The following GTF2H1 variants were observed in gnomAD, a reference collection of about 807,000 sequenced individuals.
The protein encoded by GTF2H1 is BTF2 p62.
GTF2H1 carries 16 observed loss-of-function variants against 71.2 expected under a neutral mutation model. The ratio of observed to expected loss-of-function variants is 0.22; its 90% confidence interval spans 0.15 to 0.34. GTF2H1 has a LOEUF of 0.34. Among genes scored for constraint, GTF2H1 ranks in the 10% least tolerant of loss-of-function variants. GTF2H1 has a pLI of 1.00. For synonymous variants in GTF2H1, 215 were observed against 219.0 expected (o/e 0.98, Z 0.16); for missense variants, 498 against 648.2 (o/e 0.77, Z 2.52).
At chr11:18,340,154 G>A (rs954619409) in intron 5 of GTF2H1, among the ~76,000 whole-genome samples, 1 of 152,012 alleles carries the variant, frequency 6.6e-6, no homozygotes, top group Non-Finnish European at 1.5e-5. Flanking sequence ...TCACCTCCTT[G>A]CCACCTCTAT....
chr11:18,334,557 C>A (rs1469561677), intron 2 of GTF2H1, among the ~76,000 whole-genome samples: 1 of 152,156 alleles, frequency 6.6e-6, no homozygotes, highest in African/African-American at 2.4e-5. Flanking sequence ...CCACAGTGTA[C>A]AATAAACAGT....
chr11:18,365,039 G>C (rs375409829), intron 14 of GTF2H1, among the ~76,000 whole-genome samples: 36 of 150,502 alleles, frequency 2.4e-4, no homozygotes, highest in African/African-American at 8.1e-4. Context: ...AGACCAGCCT[G>C]GGCAGCATAG....
chr11:18,363,931 G>T (rs533890047), intron 14 of GTF2H1, among the ~76,000 whole-genome samples: 1 of 152,006 alleles, frequency 6.6e-6, no homozygotes, highest in South Asian at 2.1e-4. Context: ...AAAATTAGCC[G>T]GGCGTTGTGG....
chr11:18,351,447 T>G, intron 9 of GTF2H1: 1 of 152,340 alleles, frequency 6.6e-6, no homozygotes, highest in Non-Finnish European at 1.5e-5. Flanking sequence ...GAGAGGATTT[T>G]TTTATAATTA....
At chr11:18,331,333 G>A (rs912430283) in intron 1 of GTF2H1, among the ~76,000 whole-genome samples, 4 of 151,962 alleles carry the variant, frequency 2.6e-5, no homozygotes, top group African/African-American at 4.8e-5. Context: ...TGGGATTATA[G>A]ACAGGAGCCA....
intron 14 of GTF2H1, among the ~76,000 whole-genome samples, chr11:18,364,764 A>G (rs1011884396): frequency 1.3e-5 from 2 of 152,132 alleles, no homozygotes; most frequent in African/African-American, 2.4e-5. Context: ...AGTTGTATTG[A>G]ACTCCTGAAA....
rs4150665 is a variant in GTF2H1 at position 18,360,696 on chromosome 11, T to C, written c.1549T>C (p.Leu517=). ...CCAAGAAAAGATTCGGAGACAGTAT[T>C]TAAGCACAAATGTAAGGCAGCAATC... ...PFQEKIRRQY[L]STNLVSHIEE... is the part of the protein sequence containing the mutation. Residue 517 remains leucine, a synonymous_variant, in exon 14 of 15, where the codon TTA becomes CTA. Coordinates refer to ENST00000265963, the MANE Select transcript of GTF2H1 (RefSeq NM_005316.4). The C allele has an allele frequency of 6.5e-7, 1 of 1,547,262 alleles. No individual in the cohort carries two copies. The highest frequency in any genetic ancestry group is 2.0e-5 in the Admixed American group (1 of 51,038).
chr11:18,341,178 G>A, intron 5 of GTF2H1, 83 bp from the exon 6 acceptor site: 10 of 999,088 alleles, frequency 1.0e-5, no homozygotes, highest in Non-Finnish European at 1.5e-5. Flanking sequence ...TCTAGATTTT[G>A]CTATTTGTAT....
chr11:18,348,525 T>A (rs984296594), intron 9 of GTF2H1: 1 of 152,450 alleles, frequency 6.6e-6, no homozygotes, highest in African/African-American at 2.4e-5. Flanking sequence ...CTTTACACCC[T>A]TAGTTCTACT....
At chr11:18,333,668 A>T (rs1337130324) in intron 2 of GTF2H1, 1 of 154,436 alleles carries the variant, frequency 6.5e-6, no homozygotes, top group East Asian at 1.9e-4. Context: ...TATTGTTGGT[A>T]GGGACAGAGT....
intron 9 of GTF2H1, chr11:18,348,615 T>TTTG (rs1389362974): frequency 1.3e-5 from 2 of 152,214 alleles, no homozygotes; most frequent in Non-Finnish European, 2.9e-5. Context: ...ATAAAGACAG[T>TTTG]AGCAAGGATT....
intron 1 of GTF2H1, chr11:18,332,761 C>T (rs1184907244): frequency 1.1e-5 from 2 of 186,756 alleles, no homozygotes; most frequent in Non-Finnish European, 2.2e-5. Flanking sequence ...AAAGACTACA[C>T]ATTTTCAAAT....
rs894621779 is a variant in GTF2H1 at position 18,359,870 on chromosome 11, C to T, written c.1468-745C>T. On this transcript the variant is annotated intron_variant, in intron 13 of 14. Transcript: ENST00000265963. ...GGACTACAGGCATGAGCCACTAAAC[C>T]GGGCACTTTGGGAGGCCAAGGCAGG... Among the ~76,000 whole-genome samples the T allele has an allele frequency of 2.6e-5, 4 of 151,806 alleles. No individual in the cohort carries two copies. The South Asian group carries it at 6.2e-4, about 24-fold the overall frequency.
At chr11:18,340,253 A>G (rs1195323067) in intron 5 of GTF2H1, among the ~76,000 whole-genome samples, 1 of 151,670 alleles carries the variant, frequency 6.6e-6, no homozygotes, top group African/African-American at 2.4e-5. Context: ...CAAGGGGTTC[A>G]AGACTAGCCT....
At chr11:18,365,087 A>AC (rs1413946456) in intron 14 of GTF2H1, among the ~76,000 whole-genome samples, 1 of 151,100 alleles carries the variant, frequency 6.6e-6, no homozygotes, top group East Asian at 1.9e-4. Flanking sequence ...AGAAAAAAAA[A>AC]AAAAACCTGG....
chr11:18,346,329 G>A (rs1865292325), intron 7 of GTF2H1, among the ~76,000 whole-genome samples: 1 of 152,132 alleles, frequency 6.6e-6, no homozygotes, highest in African/African-American at 2.4e-5. Context: ...GGACCACAGT[G>A]CCTCTTTGCC....
chr11:18,360,866 C>CA, intron 14 of GTF2H1, 159 bp downstream of exon 14: 13 of 518,938 alleles, frequency 2.5e-5, no homozygotes, highest in Non-Finnish European at 4.3e-5. Context: ...AGTACAGTGG[C>CA]TCCATCTCAG....
intron 14 of GTF2H1, among the ~76,000 whole-genome samples, chr11:18,362,668 CTTTTTTTTTTT>C (rs35306497): frequency 2.8e-5 from 3 of 107,932 alleles, no homozygotes; most frequent in African/African-American, 7.9e-5. Context: ...TTTTCTTTTT[CTTTTTTTTTTT>C]TTTTTTTTTG....
At chr11:18,332,802 ATAAAT>A (rs1333816468) in intron 1 of GTF2H1, 32 of 251,024 alleles carry the variant, frequency 1.3e-4, no homozygotes, top group Admixed American at 9.8e-4. Flanking sequence ...ACTGAGGAAA[ATAAAT>A]TAATAATACT....
Sources: allele counts gnomAD v4.1 joint callset (sites outside exome capture counted in the v4.1 genomes callset), GRCh38; gene constraint gnomAD v4.1.1; transcripts MANE v1.5; gene names NCBI Gene and HGNC (gene_info 2026-07-23, HGNC 2026-07-21).